USP25: variants seen among roughly 807,000 people sequenced by gnomAD.
USP25 encodes the protein ubiquitin carboxyl-terminal hydrolase 25.
Under a neutral mutation model 158.5 loss-of-function variants are expected in USP25, and 85 were observed. The observed-to-expected ratio is 0.54, with a 90% CI of 0.45 to 0.64. USP25 has a LOEUF of 0.64. Ranked by LOEUF, USP25 falls within the 30% of genes least tolerant of loss-of-function variation. The probability of loss-of-function intolerance (pLI) is 0.00; values close to 1 mark genes in which losing one functional copy is unlikely to be tolerated. For synonymous variants in USP25, 464 were observed against 460.4 expected (o/e 1.01, Z -0.10); for missense variants, 1,242 against 1,327.3 (o/e 0.94, Z 1.00).
chr21:15,868,507 C>A (rs1288028516), intron 22 of USP25, among the ~76,000 whole-genome samples: 2 of 151,988 alleles, frequency 1.3e-5, no homozygotes, highest in African/African-American at 4.8e-5. Flanking sequence ...TTCATAAAAT[C>A]TTCTCATATT....
chr21:15,811,295 G>T, intron 9 of USP25, 85 bp downstream of exon 9: 1 of 1,235,520 alleles, frequency 8.1e-7, no homozygotes, highest in Non-Finnish European at 1.1e-6. Context: ...TTTTTTTAGT[G>T]GACTTTATTT....
chr21:15,811,074 A>G (rs2036635968), intron 8 of USP25, 63 bp from the exon 9 acceptor site: 14 of 1,398,632 alleles, frequency 1.0e-5, no homozygotes, highest in Non-Finnish European at 1.4e-5. Context: ...TAGTTCTTTA[A>G]TATTTTCTCT....
chr21:15,783,638 A>G (rs2035094719), intron 4 of USP25, among the ~76,000 whole-genome samples: 1 of 152,088 alleles, frequency 6.6e-6, no homozygotes, highest in Non-Finnish European at 1.5e-5. Context: ...AGCAGAGAAT[A>G]TATCCGGCAG....
In USP25 at chr21:15,781,684, C is replaced by T. The variant is rs1302459531; in HGVS notation, c.392+3657C>T. On this transcript the variant is annotated intron_variant, in intron 4 of 25. Transcript: ENST00000400183. ...ATCCTGCCTCTGCCATACTGTCTCCCCTGCGAGGATTGAATCAAAGCCAGG... is the reference window on the plus strand; with the variant it reads ...ATCCTGCCTCTGCCATACTGTCTCCTCTGCGAGGATTGAATCAAAGCCAGG... 2.6e-5 allele frequency among the ~76,000 whole-genome samples: 4 copies of T among 152,046 alleles called. No homozygotes were observed. In the East Asian group the frequency reaches 7.7e-4, roughly 29 times the overall value.
Position 15,814,091 on chromosome 21 carries a change from G to A in USP25, c.931+2881G>A, listed in dbSNP as rs376805237. 4.2e-4 allele frequency among the ~76,000 whole-genome samples: 63 copies of A among 149,934 alleles called. No homozygotes were observed. In the Middle Eastern group the frequency reaches 0.028, roughly 67 times the overall value. The stretch of plus-strand genomic sequence containing the variant: ...TTATTAAAGGCACTTCTTCCATGGC[G>A]GCGACAAGAGAAAATGAGGTAGAAG... On this transcript the variant is annotated intron_variant, in intron 9 of 25. Coordinates refer to ENST00000400183, the MANE Select transcript of USP25 (RefSeq NM_001283041.3).
intron 22 of USP25, among the ~76,000 whole-genome samples, chr21:15,868,166 G>T (rs1157804840): frequency 6.6e-6 from 1 of 152,128 alleles, no homozygotes; most frequent in Non-Finnish European, 1.5e-5. Context: ...AATTGTGAAA[G>T]ACTCCTGTGT....
intron 9 of USP25, among the ~76,000 whole-genome samples, chr21:15,813,963 C>T (rs556112971): frequency 3.3e-5 from 5 of 151,584 alleles, no homozygotes; most frequent in Admixed American, 6.6e-5. Context: ...CGCAGAATTC[C>T]GTGTGTTGTG....
intron 10 of USP25, among the ~76,000 whole-genome samples, chr21:15,820,763 A>G (rs1430510716): frequency 1.3e-5 from 2 of 152,022 alleles, no homozygotes; most frequent in Non-Finnish European, 2.9e-5. Context: ...CCTGATAACA[A>G]TAGCTTTTTC....
chr21:15,736,615 A>G (rs1436088692), intron 1 of USP25, among the ~76,000 whole-genome samples: 2 of 151,624 alleles, frequency 1.3e-5, no homozygotes, highest in East Asian at 1.9e-4. Flanking sequence ...TTAAACAAAT[A>G]TATTTTTATA....
Position 15,811,097 on chromosome 21 carries a change from G to A in USP25, c.858-40G>A, listed in dbSNP as rs142067301. 1,100 of 1,565,078 alleles carry A rather than the reference G, an allele frequency of 7.0e-4. 5 individuals carry two copies. The African/African-American group carries it at 0.012, about 17-fold the overall frequency. On this transcript the variant is annotated intron_variant, in intron 8 of 25. Transcript: ENST00000400183. The stretch of plus-strand genomic sequence containing the variant: ...TAATATTTTCTCTATTTATAGGTCC[G>A]AAAATTGTAATCACATTTATATTTT...
intron 3 of USP25, among the ~76,000 whole-genome samples, chr21:15,775,257 A>G (rs1433599806): frequency 3.3e-5 from 5 of 152,198 alleles, no homozygotes; most frequent in African/African-American, 7.2e-5. Context: ...CTATTTTTAA[A>G]TTAGTTTCGG....
chr21:15,775,785 G>A lies in USP25; in HGVS notation c.269-2119G>A, dbSNP rs1225626934. ...CGCTGCACTCTGCCTTCCATGTCTC[G>A]TGTTAGTGCATTCTAATGGATGAGG... On this transcript the variant is annotated intron_variant, in intron 3 of 25. Transcript: ENST00000400183. 8.5e-5 allele frequency among the ~76,000 whole-genome samples: 9 copies of A among 106,150 alleles called. No homozygotes were observed. In the East Asian group the frequency reaches 2.1e-3, roughly 25 times the overall value. 69.6% of individuals were successfully genotyped at this position (106,150 alleles called of 152,430 possible).
chr21:15,800,206 G>A (rs2036062692), intron 6 of USP25, among the ~76,000 whole-genome samples: 1 of 151,216 alleles, frequency 6.6e-6, no homozygotes, highest in African/African-American at 2.4e-5. Context: ...ATCGTCTTGT[G>A]CAGCCCTTTA....
chr21:15,738,370 A>C (rs1489322234), intron 1 of USP25, among the ~76,000 whole-genome samples: 1 of 152,126 alleles, frequency 6.6e-6, no homozygotes, highest in Non-Finnish European at 1.5e-5. Context: ...GAATCTGTAG[A>C]TCCATTTGGG....
intron 24 of USP25, 69 bp from the exon 25 acceptor site, chr21:15,877,727 T>A: frequency 9.0e-7 from 1 of 1,107,068 alleles, no homozygotes; most frequent in Non-Finnish European, 1.3e-6. Flanking sequence ...TCCTTATTAA[T>A]ACTTACAGAT....
chr21:15,857,312 ATTTTTGTG>A (rs2039200537), intron 20 of USP25, among the ~76,000 whole-genome samples: 2 of 152,148 alleles, frequency 1.3e-5, no homozygotes, highest in Non-Finnish European at 2.9e-5. Context: ...TATCGTGAAC[ATTTTTGTG>A]CATATATTAT....
chr21:15,851,992 GT>G (rs1469394230), intron 20 of USP25, among the ~76,000 whole-genome samples: 14 of 152,202 alleles, frequency 9.2e-5, no homozygotes, highest in African/African-American at 3.4e-4. Context: ...CAAGAATCAA[GT>G]TTGTGGAAGA....
At chr21:15,735,457 G>T (rs2031395763) in intron 1 of USP25, among the ~76,000 whole-genome samples, 1 of 152,054 alleles carries the variant, frequency 6.6e-6, no homozygotes, top group Admixed American at 6.5e-5. Context: ...ATGTGTGGAT[G>T]TGTAAGTTAC....
At chr21:15,781,510 C>T (rs1430003533) in intron 4 of USP25, among the ~76,000 whole-genome samples, 1 of 152,112 alleles carries the variant, frequency 6.6e-6, no homozygotes, top group African/African-American at 2.4e-5. Flanking sequence ...GCTTGGCTAT[C>T]ATTTCCCTCA....
Sources: gnomAD v4.1 joint callset for allele counts (sites outside exome capture counted in the v4.1 genomes callset) on GRCh38, gnomAD v4.1.1 for gene constraint, MANE v1.5 for transcripts, NCBI Gene and HGNC (gene_info 2026-07-23, HGNC 2026-07-21) for gene names.